Variants in LYRM4 observed in about 807,000 individuals in gnomAD.
LYRM4 encodes the protein LYR motif containing 4, also known as LYR motif-containing protein 4.
A neutral mutation model predicts 11.7 loss-of-function variants in LYRM4; 9 were observed. That is an observed-to-expected ratio of 0.77 (90% CI 0.46 to 1.34). LYRM4 has a LOEUF of 1.34. Ranked by LOEUF, LYRM4 falls within the 40% of genes most tolerant of loss-of-function variation. The pLI, the probability that LYRM4 is intolerant of heterozygous loss-of-function variation, is 0.00. For missense variants in LYRM4, 133 were observed against 112.5 expected, an observed-to-expected ratio of 1.18 and a Z score of -0.82; for synonymous variants, 42 against 40.4, an observed-to-expected ratio of 1.04 and a Z score of -0.15.
At chr6:5,208,889 G>C (rs1463307530) in intron 2 of LYRM4, among the ~76,000 whole-genome samples, 1 of 152,138 alleles carries the variant, frequency 6.6e-6, no homozygotes, top group African/African-American at 2.4e-5. Context: ...TCATTGCCTT[G>C]CTTTCTTAAA....
chr6:5,160,420 C>G (rs1758683522), intron 2 of LYRM4, among the ~76,000 whole-genome samples: 1 of 151,998 alleles, frequency 6.6e-6, no homozygotes, highest in Non-Finnish European at 1.5e-5. Context: ...GTGGGAGGGA[C>G]CTGGTGGGAG....
chr6:5,120,853 T>A (rs1194634793), intron 2 of LYRM4, among the ~76,000 whole-genome samples: 2 of 152,120 alleles, frequency 1.3e-5, no homozygotes, highest in East Asian at 1.9e-4. Flanking sequence ...CATTTTACAA[T>A]CCTCTTGTAA....
intron 2 of LYRM4, among the ~76,000 whole-genome samples, chr6:5,198,769 G>A (rs1761217069): frequency 6.6e-6 from 1 of 152,192 alleles, no homozygotes; most frequent in South Asian, 2.1e-4. Flanking sequence ...CCTCCCTGCT[G>A]TCTTAACCTT....
chr6:5,141,470 G>C (rs1757404477), intron 2 of LYRM4, among the ~76,000 whole-genome samples: 1 of 152,228 alleles, frequency 6.6e-6, no homozygotes, highest in South Asian at 2.1e-4. Flanking sequence ...GCAGGAACTT[G>C]TAAATACAGG....
intron 2 of LYRM4, among the ~76,000 whole-genome samples, chr6:5,122,337 C>T (rs1238140446): frequency 6.6e-6 from 1 of 152,194 alleles, no homozygotes; most frequent in African/African-American, 2.4e-5. Flanking sequence ...GATGTCACCA[C>T]TCTGAGAGTT....
the LYRM4 span, among the ~76,000 whole-genome samples, chr6:5,041,037 G>A: frequency 2.0e-4 from 30 of 152,100 alleles, no homozygotes; most frequent in African/African-American, 5.1e-4. Context: ...GTGGTGGCCC[G>A]TGCCTGTAGT....
chr6:5,260,704 T>C lies in LYRM4; in HGVS notation c.30A>G (p.Leu10=). The C allele has an allele frequency of 1.9e-6, 3 of 1,548,932 alleles. 1 individual carries two copies. The highest frequency in any genetic ancestry group is 2.6e-6 in the Non-Finnish European group (3 of 1,147,470). ...CTCTCAGCATCGCCCGGTACAGAGA[T>C]AACACTTGTGCGCGACTGGAGGCTG... The part of the protein sequence containing the change: MAASSRAQV[L]SLYRAMLRES... The change falls in exon 1 of 3, where the codon TTA becomes TTG. Residue 10 remains leucine, a synonymous_variant. Transcript: ENST00000330636.
chr6:5,100,888 A>AG (rs1762478294), downstream of LYRM4, among the ~76,000 whole-genome samples: 1 of 152,168 alleles, frequency 6.6e-6, no homozygotes, highest in Non-Finnish European at 1.5e-5. Context: ...TTGCTCATCA[A>AG]GTCCATCATT....
chr6:5,171,837 T>A (rs745893427), intron 2 of LYRM4, among the ~76,000 whole-genome samples: 3 of 152,188 alleles, frequency 2.0e-5, no homozygotes, highest in African/African-American at 4.8e-5. Flanking sequence ...CTTTAAATTG[T>A]TTTTTATCAT....
chr6:5,247,947 A>G (rs572539278), intron 1 of LYRM4, among the ~76,000 whole-genome samples: 1 of 152,234 alleles, frequency 6.6e-6, no homozygotes, highest in Non-Finnish European at 1.5e-5. Context: ...AAACTGGATG[A>G]AAAAGAGAGA....
rs531638980 is a variant in LYRM4, at chr6:5,253,849, C to T, written c.86+6799G>A. ...CATGCTGAGCAAAAAAAAAAAAAAA[C>T]CATCGTTTTGAAGTGTTGTCTTCTC... On this transcript the variant is annotated intron_variant, in intron 1 of 2. Transcript: ENST00000330636. 2.4e-4 allele frequency among the ~76,000 whole-genome samples: 35 copies of T among 144,598 alleles called. No homozygotes were observed. In the South Asian group the frequency reaches 7.0e-3, roughly 29 times the overall value. 94.9% of individuals were successfully genotyped at this position (144,598 alleles called of 152,430 possible).
rs528560373 is a variant in LYRM4, at chr6:5,161,975, C to T, written c.208-52484G>A. Among the ~76,000 whole-genome samples the T allele has an allele frequency of 1.2e-4, 19 of 152,328 alleles. No individual in the cohort carries two copies. The South Asian group carries it at 3.7e-3, about 30-fold the overall frequency. On this transcript the variant is annotated intron_variant, in intron 2 of 2. Coordinates refer to ENST00000330636, the MANE Select transcript of LYRM4 (RefSeq NM_020408.6). The stretch of plus-strand genomic sequence containing the variant: ...GTGAGCATCTTCATGAAAAGACACT[C>T]TTACCACTTTCTGTTACTCATTCCC...
At chr6:5,129,536 A>G (rs751353189) in intron 2 of LYRM4, among the ~76,000 whole-genome samples, 2 of 151,622 alleles carry the variant, frequency 1.3e-5, no homozygotes, top group Non-Finnish European at 2.9e-5. Context: ...GTGCAATCAA[A>G]CCTCCCTCTG....
intron 1 of LYRM4, among the ~76,000 whole-genome samples, chr6:5,246,897 G>A (rs1482576271): frequency 1.3e-5 from 2 of 152,148 alleles, no homozygotes; most frequent in African/African-American, 4.8e-5. Context: ...ACCACGGAAT[G>A]TGATAAAATT....
intron 1 of LYRM4, among the ~76,000 whole-genome samples, chr6:5,231,926 GTGTT>G (rs1763266118): frequency 6.6e-6 from 1 of 152,182 alleles, no homozygotes; most frequent in South Asian, 2.1e-4. Flanking sequence ...CATCCAGTAG[GTGTT>G]TGTGTGTTAG....
intron 2 of LYRM4, among the ~76,000 whole-genome samples, chr6:5,166,409 T>G (rs970032790): frequency 1.3e-5 from 2 of 152,258 alleles, no homozygotes; most frequent in African/African-American, 4.8e-5. Flanking sequence ...GCCCACTGTT[T>G]AAGCTGAATA....
chr6:5,156,545 C>T (rs915552063), intron 2 of LYRM4, among the ~76,000 whole-genome samples: 5 of 152,228 alleles, frequency 3.3e-5, no homozygotes, highest in African/African-American at 4.8e-5. Context: ...AGCAATGGTG[C>T]ACGTGTGGAA....
At chr6:5,041,228 AAG>A in the LYRM4 span, among the ~76,000 whole-genome samples, 1 of 152,130 alleles carries the variant, frequency 6.6e-6, no homozygotes, top group African/African-American at 2.4e-5. Context: ...TTATAGTTAA[AAG>A]CTCAATAACT....
chr6:5,164,844 T>G (rs1464858811), intron 2 of LYRM4, among the ~76,000 whole-genome samples: 2 of 152,010 alleles, frequency 1.3e-5, no homozygotes, highest in Non-Finnish European at 2.9e-5. Context: ...GGTACACACC[T>G]GTGATCCCAG....
Sources: allele counts gnomAD v4.1 joint callset (sites outside exome capture counted in the v4.1 genomes callset), GRCh38; gene constraint gnomAD v4.1.1; transcripts MANE v1.5; gene names NCBI Gene and HGNC (gene_info 2026-07-23, HGNC 2026-07-21).